The following CCDC13 variants were observed in gnomAD, a reference collection of about 807,000 sequenced individuals.
The protein encoded by CCDC13 is coiled-coil domain-containing protein 13.
Under a neutral mutation model 87.3 loss-of-function variants are expected in CCDC13, and 70 were observed. That is an observed-to-expected ratio of 0.80 (90% CI 0.66 to 0.98). The LOEUF is 0.98. CCDC13 is among the 50% of genes least tolerant of loss of function. CCDC13 has a pLI of 0.00. For missense variants in CCDC13, 842 were observed against 892.0 expected, an observed-to-expected ratio of 0.94 and a Z score of 0.71; for synonymous variants, 317 against 360.3, an observed-to-expected ratio of 0.88 and a Z score of 1.36.
At chr3:42,722,150 T>A (rs1698578656) in intron 13 of CCDC13, among the ~76,000 whole-genome samples, 1 of 152,218 alleles carries the variant, frequency 6.6e-6, no homozygotes, top group African/African-American at 2.4e-5. Context: ...ATCTTCCAGA[T>A]ATCACCTTTT....
At chr3:42,744,205 G>A (rs973760260) in intron 7 of CCDC13, among the ~76,000 whole-genome samples, 3 of 152,190 alleles carry the variant, frequency 2.0e-5, no homozygotes, top group African/African-American at 7.2e-5. Flanking sequence ...TGTCAACACA[G>A]CCTGGCACAT....
chr3:42,724,452 C>T (rs1458213940), intron 13 of CCDC13, among the ~76,000 whole-genome samples: 1 of 152,216 alleles, frequency 6.6e-6, no homozygotes, highest in Admixed American at 6.5e-5. Flanking sequence ...CTCCTCCTGC[C>T]TGGGATCTAC....
At chr3:42,757,542 T>C (rs1699732279) in intron 2 of CCDC13, among the ~76,000 whole-genome samples, 1 of 152,140 alleles carries the variant, frequency 6.6e-6, no homozygotes, top group Non-Finnish European at 1.5e-5. Flanking sequence ...AGAAAGACCC[T>C]GTCTCTAAAA....
At chr3:42,733,039 C>T (rs1482833971) in intron 11 of CCDC13, 69 bp from the exon 12 acceptor site, 2 of 1,310,184 alleles carry the variant, frequency 1.5e-6, no homozygotes, top group Non-Finnish European at 2.1e-6. Flanking sequence ...CTCACCTCTG[C>T]ATGTGAGGTG....
chr3:42,732,722 T>C, intron 12 of CCDC13, 165 bp downstream of exon 12: 1 of 628,686 alleles, frequency 1.6e-6, no homozygotes, highest in Non-Finnish European at 2.8e-6. Context: ...TACTCTATCA[T>C]CTTGGACAGG....
Position 42,739,655 on chromosome 3 carries a change from G to A in CCDC13, c.1143C>T (p.Asp381=), listed in dbSNP as rs145949971. Residue 381 remains aspartate (D), a synonymous_variant, in exon 9 of 16, where the codon GAC becomes GAT. Transcript: ENST00000310232. ...ATACCATGAGGGCGTCGATGAGCTCGTCATCATGCCGGCCCTTCTCCACCA... is the reference window on the plus strand; with the variant it reads ...ATACCATGAGGGCGTCGATGAGCTCATCATCATGCCGGCCCTTCTCCACCA... The part of the protein sequence containing the change: ...GTLVEKGRHD[D]ELIDALMDQL... 134 of 1,614,110 alleles carry A rather than the reference G, an allele frequency of 8.3e-5. No individual in the cohort carries two copies. Among genetic ancestry groups the A allele is most frequent in the Middle Eastern group, 1.7e-4 (1 of 6,058 alleles).
At chr3:42,746,233 T>C in intron 6 of CCDC13, 1 of 546,750 alleles carries the variant, frequency 1.8e-6, no homozygotes, top group South Asian at 2.3e-5. Flanking sequence ...TCCCTGGCAT[T>C]TCTTGGCAAT....
At chr3:42,755,864 T>C (rs929627984) in intron 3 of CCDC13, among the ~76,000 whole-genome samples, 1 of 152,212 alleles carries the variant, frequency 6.6e-6, no homozygotes, top group Non-Finnish European at 1.5e-5. Flanking sequence ...GGTGGAGATG[T>C]ATCTCCTGCT....
chr3:42,768,589 C>T (rs1184709690), intron 1 of CCDC13, among the ~76,000 whole-genome samples: 3 of 151,858 alleles, frequency 2.0e-5, no homozygotes, highest in African/African-American at 2.4e-5. Flanking sequence ...CCCAGCTACT[C>T]GGAAGGCTGA....
At chr3:42,771,183 T>G (rs981940527) in intron 1 of CCDC13, 2 of 152,212 alleles carry the variant, frequency 1.3e-5, no homozygotes, top group African/African-American at 4.8e-5. Flanking sequence ...AAATGTGTAT[T>G]GTTAAGTGAA....
intron 9 of CCDC13, 38 bp downstream of exon 9, chr3:42,739,596 C>T (rs780065622): frequency 1.4e-5 from 22 of 1,592,920 alleles, no homozygotes; most frequent in Non-Finnish European, 1.7e-5. Context: ...TGAGGAACCA[C>T]CCCTGGCTCT....
rs779685132 is a variant in CCDC13 at position 42,752,000 on chromosome 3, G to A, written c.539C>T (p.Ser180Leu). The A allele has an allele frequency of 6.2e-7, 1 of 1,608,706 alleles. No homozygotes were observed. The highest frequency in any genetic ancestry group is 8.5e-7 in the Non-Finnish European group (1 of 1,179,988). Reference sequence around the variant, plus strand: ...TCCTGCGTCGGTGGCCCCCTTGGCTGACAGCCTGGTCAGGGCTGTCTGCAG... The same window carrying A: ...TCCTGCGTCGGTGGCCCCCTTGGCTAACAGCCTGGTCAGGGCTGTCTGCAG... ...RELQTALTRL[S>L]AKGATDAGAK... Residue 180 changes from serine to leucine, a missense_variant, in exon 5 of 16, where the codon TCA becomes TTA. Coordinates refer to ENST00000310232, the MANE Select transcript of CCDC13 (RefSeq NM_144719.4).
chr3:42,729,808 C>T (rs905296146), intron 13 of CCDC13, among the ~76,000 whole-genome samples: 1 of 152,256 alleles, frequency 6.6e-6, no homozygotes, highest in Non-Finnish European at 1.5e-5. Context: ...AGAGCCTTGA[C>T]TGATACATGA....
Position 42,743,067 on chromosome 3 carries a change from G to A in CCDC13, c.826-10C>T, listed in dbSNP as rs1250585530. ...TCTCAAGCTCTTGAACCTGAGGATG[G>A]TAAAACTCGTCGTTCCACAATGGGT... On this transcript the variant is annotated splice_polypyrimidine_tract_variant and intron_variant, in intron 7 of 15. Coordinates refer to ENST00000310232, the MANE Select transcript of CCDC13 (RefSeq NM_144719.4). 9 of 1,613,644 alleles carry A rather than the reference G, an allele frequency of 5.6e-6. No homozygotes were observed. The highest frequency in any genetic ancestry group is 7.6e-6 in the Non-Finnish European group (9 of 1,179,822).
At chr3:42,747,480 T>G (rs1442571025) in intron 5 of CCDC13, 107 bp from the exon 6 acceptor site, 2 of 799,616 alleles carry the variant, frequency 2.5e-6, no homozygotes, top group Admixed American at 4.0e-5. Context: ...GCTAAGTGTT[T>G]GACATGGAAG....
chr3:42,746,254 G>A, intron 6 of CCDC13: 2 of 500,980 alleles, frequency 4.0e-6, no homozygotes, highest in Non-Finnish European at 7.2e-6. Context: ...GCTTAGAGCA[G>A]CCAAGAAACT....
At chr3:42,759,654 T>C (rs1480920084) in intron 1 of CCDC13, among the ~76,000 whole-genome samples, 1 of 152,238 alleles carries the variant, frequency 6.6e-6, no homozygotes, top group Non-Finnish European at 1.5e-5. Flanking sequence ...CTGAGTAATA[T>C]TACCTTGTTT....
At position 42,708,885 on chromosome 3, in the gene CCDC13, C is replaced by T. The variant is rs546602763; in HGVS notation, c.*95G>A. ...AAGTGGTTGAGCTGGCTGCCCTGGGCTGGCTTCCCGGAGCAGATGGAGTCC... is the reference window on the plus strand; with the variant it reads ...AAGTGGTTGAGCTGGCTGCCCTGGGTTGGCTTCCCGGAGCAGATGGAGTCC... On this transcript the variant is annotated 3_prime_UTR_variant, in exon 16 of 16. Transcript: ENST00000310232. 3.0e-6 allele frequency: 4 copies of T among 1,355,634 alleles called. No homozygotes were observed. In the South Asian group the frequency reaches 4.5e-5, roughly 15 times the overall value. The allele number at this position is 1,355,634 out of a possible 1,614,324, so 84.0% of individuals were successfully genotyped here.
chr3:42,718,322 G>A (rs1325786057), intron 13 of CCDC13, among the ~76,000 whole-genome samples: 1 of 152,106 alleles, frequency 6.6e-6, no homozygotes, highest in Non-Finnish European at 1.5e-5. Flanking sequence ...CAGATGCCAC[G>A]GCAATGCCAG....
Sources: gnomAD v4.1 joint callset for allele counts (sites outside exome capture counted in the v4.1 genomes callset) on GRCh38, gnomAD v4.1.1 for gene constraint, MANE v1.5 for transcripts, NCBI Gene and HGNC (gene_info 2026-07-23, HGNC 2026-07-21) for gene names.